Variants in IPCEF1 observed in about 807,000 individuals in gnomAD.
IPCEF1 encodes interaction protein for cytohesin exchange factors 1.
In IPCEF1, 31 loss-of-function variants were observed where a neutral mutation model predicts 50.9. That is an observed-to-expected ratio of 0.61 (90% CI 0.46 to 0.82). IPCEF1 has a LOEUF of 0.82. Ranked by LOEUF, IPCEF1 falls within the 40% of genes least tolerant of loss-of-function variation. The probability of loss-of-function intolerance (pLI) is 0.00; values close to 1 mark genes in which losing one functional copy is unlikely to be tolerated. For missense variants in IPCEF1, 458 were observed against 514.0 expected (o/e 0.89, Z 1.05); for synonymous variants, 181 against 192.0 (o/e 0.94, Z 0.47).
intron 1 of IPCEF1, among the ~76,000 whole-genome samples, chr6:154,313,628 A>G (rs555792632): frequency 7.2e-5 from 11 of 152,196 alleles, no homozygotes; most frequent in Non-Finnish European, 7.3e-5. Flanking sequence ...GCTTTACTGT[A>G]CGGTTATATA....
intron 2 of IPCEF1, among the ~76,000 whole-genome samples, chr6:154,282,465 G>A (rs1321334243): frequency 1.3e-5 from 2 of 151,870 alleles, no homozygotes; most frequent in Admixed American, 6.6e-5. Context: ...GGCGGATCAC[G>A]AGGTCAGGAG....
chr6:154,210,041 T>C (rs1777841035), intron 9 of IPCEF1, among the ~76,000 whole-genome samples: 3 of 152,218 alleles, frequency 2.0e-5, no homozygotes, highest in Admixed American at 1.3e-4. Flanking sequence ...AAATCAAGTA[T>C]TCCCTGAACT....
At chr6:154,284,586 A>G (rs1401993340) in intron 2 of IPCEF1, among the ~76,000 whole-genome samples, 1 of 152,104 alleles carries the variant, frequency 6.6e-6, no homozygotes, top group Admixed American at 6.5e-5. Flanking sequence ...GAAGCCACCT[A>G]TTGACATGGT....
chr6:154,162,516 C>T (rs1188097644), intron 11 of IPCEF1, among the ~76,000 whole-genome samples: 2 of 152,188 alleles, frequency 1.3e-5, no homozygotes, highest in East Asian at 3.9e-4. Context: ...TCAGCAGCAC[C>T]TAAAACAATT....
chr6:154,285,738 C>A (rs1181699338), intron 2 of IPCEF1, among the ~76,000 whole-genome samples: 1 of 152,140 alleles, frequency 6.6e-6, no homozygotes, highest in African/African-American at 2.4e-5. Context: ...TCACTGCCAG[C>A]ATACAAGTTT....
At chr6:154,196,837 C>T (rs184943294) in intron 10 of IPCEF1, among the ~76,000 whole-genome samples, 9 of 152,312 alleles carry the variant, frequency 5.9e-5, no homozygotes, top group Non-Finnish European at 8.8e-5. Context: ...AATTAACACC[C>T]TGATTTTATT....
At chr6:154,244,183 A>G (rs1444304619) in intron 5 of IPCEF1, among the ~76,000 whole-genome samples, 1 of 152,122 alleles carries the variant, frequency 6.6e-6, no homozygotes, top group Non-Finnish European at 1.5e-5. Context: ...CTTGGGTCTT[A>G]TTTCACAGTT....
rs372250039 is a variant in IPCEF1, at chr6:154,184,045, CT to C, written c.910+15622del. On this transcript the variant is annotated intron_variant, in intron 10 of 11. Coordinates refer to ENST00000367220, the MANE Select transcript of IPCEF1 (RefSeq NM_001130700.2). ...GTCACTATGCTGCATATTCGATCCC[CT>C]GAGCTTATTCATTTTATAGCTGAAA... 5.9e-3 allele frequency among the ~76,000 whole-genome samples: 902 copies of C among 152,224 alleles called. 12 individuals carry two copies. The highest frequency in any genetic ancestry group is 0.021 in the African/African-American group (862 of 41,570).
At chr6:154,321,456 CT>C (rs1490015262) in intron 1 of IPCEF1, among the ~76,000 whole-genome samples, 2 of 151,682 alleles carry the variant, frequency 1.3e-5, no homozygotes, top group East Asian at 3.9e-4. Context: ...CCTTCTCAAC[CT>C]TTGAAGAAGT....
At chr6:154,235,994 G>A (rs1419201881) in intron 5 of IPCEF1, among the ~76,000 whole-genome samples, 1 of 152,204 alleles carries the variant, frequency 6.6e-6, no homozygotes, top group African/African-American at 2.4e-5. Context: ...AAAATAGCAT[G>A]GTAGCGCCTC....
intron 1 of IPCEF1, among the ~76,000 whole-genome samples, chr6:154,346,385 C>T (rs1218188802): frequency 6.6e-6 from 1 of 152,160 alleles, no homozygotes; most frequent in Admixed American, 6.5e-5. Flanking sequence ...ACACATTTTA[C>T]TATGAGGTTG....
rs191583279 is a variant in IPCEF1, at chr6:154,306,280, C to A, written c.-61-16524G>T. On this transcript the variant is annotated intron_variant, in intron 1 of 11. Transcript: ENST00000367220. ...TCACTCAAGCTTGCTTCCTTTAATT[C>A]TTTAAAAATATAAACTTTCAGAGAC... Among the ~76,000 whole-genome samples, 219 of 152,304 alleles carry A rather than the reference C, an allele frequency of 1.4e-3. 2 individuals carry two copies. The highest frequency in any genetic ancestry group is 6.7e-3 in the Admixed American group (103 of 15,294).
chr6:154,339,971 A>G (rs1432064152), intron 1 of IPCEF1, among the ~76,000 whole-genome samples: 3 of 152,140 alleles, frequency 2.0e-5, no homozygotes, highest in Non-Finnish European at 4.4e-5. Flanking sequence ...ACCTGCTAGC[A>G]AGAGGAAACT....
intron 1 of IPCEF1, among the ~76,000 whole-genome samples, chr6:154,343,532 G>A (rs796408217): frequency 1.3e-5 from 2 of 152,070 alleles, no homozygotes; most frequent in Middle Eastern, 3.4e-3. Context: ...TCCCCAAGTC[G>A]CCTCACTTCC....
chr6:154,231,120 A>G (rs1779680378), intron 5 of IPCEF1, among the ~76,000 whole-genome samples: 1 of 152,222 alleles, frequency 6.6e-6, no homozygotes. Context: ...GCCCATTCTC[A>G]TGCCGCCTTA....
intron 1 of IPCEF1, among the ~76,000 whole-genome samples, chr6:154,327,076 G>A (rs555405941): frequency 2.0e-5 from 3 of 152,178 alleles, no homozygotes; most frequent in Admixed American, 6.5e-5. Context: ...AATATAGATT[G>A]AAGACTTAAA....
At chr6:154,296,697 C>T (rs1004002989) in intron 1 of IPCEF1, among the ~76,000 whole-genome samples, 6 of 151,844 alleles carry the variant, frequency 4.0e-5, no homozygotes, top group South Asian at 2.1e-4. Flanking sequence ...GGCATGGTGG[C>T]GGGCGCCTGT....
chr6:154,350,532 C>T (rs141401307), intron 1 of IPCEF1, among the ~76,000 whole-genome samples: 10 of 152,366 alleles, frequency 6.6e-5, no homozygotes, highest in Middle Eastern at 3.4e-3. Flanking sequence ...AAATGAGTCA[C>T]GTCCAATTTG....
intron 1 of IPCEF1, among the ~76,000 whole-genome samples, chr6:154,337,905 T>A (rs1480315798): frequency 2.6e-5 from 4 of 152,000 alleles, no homozygotes; most frequent in African/African-American, 9.7e-5. Flanking sequence ...AAAGTCACTT[T>A]GGACCATGGT....
Sources: allele counts gnomAD v4.1 joint callset (sites outside exome capture counted in the v4.1 genomes callset), GRCh38; gene constraint gnomAD v4.1.1; transcripts MANE v1.5; gene names NCBI Gene and HGNC (gene_info 2026-07-23, HGNC 2026-07-21).